The following SLC9A1 variants were observed in gnomAD, a reference collection of about 807,000 sequenced individuals.
SLC9A1 encodes the protein solute carrier family 9 member A1, also known as sodium/hydrogen exchanger 1.
In SLC9A1, 22 loss-of-function variants were observed where a neutral mutation model predicts 67.9. The ratio of observed to expected loss-of-function variants is 0.32; its 90% CI spans 0.23 to 0.46. The LOEUF (loss-of-function observed/expected upper bound fraction) is 0.46. Ranked by LOEUF, SLC9A1 falls within the 20% of genes least tolerant of loss-of-function variation. The pLI is 1.00. For synonymous variants in SLC9A1, 421 were observed against 471.8 expected, an observed-to-expected ratio of 0.89 and a Z score of 1.40; for missense variants, 686 against 1,094.8, an observed-to-expected ratio of 0.63 and a Z score of 5.27.
At chr1:27,112,292 A>C (rs779499389) in intron 2 of SLC9A1, among the ~76,000 whole-genome samples, 9 of 152,158 alleles carry the variant, frequency 5.9e-5, no homozygotes, top group Non-Finnish European at 1.2e-4. Flanking sequence ...CAGCAGCTGA[A>C]CACCACAGTC....
chr1:27,124,808 G>C (rs1296247397), intron 1 of SLC9A1, among the ~76,000 whole-genome samples: 1 of 152,118 alleles, frequency 6.6e-6, no homozygotes, highest in Non-Finnish European at 1.5e-5. Context: ...GGCCAGAAAA[G>C]GATCAGTGAG....
Position 27,101,043 on chromosome 1 carries a change from C to T in SLC9A1, c.2110+160G>A, listed in dbSNP as rs141836522. 4.9e-3 allele frequency among the ~76,000 whole-genome samples: 750 copies of T among 152,326 alleles called. 1 individual carries two copies. The highest frequency in any genetic ancestry group is 8.0e-3 in the Non-Finnish European group (545 of 68,014). On this transcript the variant is annotated intron_variant, in intron 11 of 11. Transcript: ENST00000263980. This position sits in a 1 kb window ranked among gnomAD's most constrained non-coding sequence, Gnocchi z 4.9. ...GGAACGTCTCTCTCCCTAGGGATGG[C>T]CCCTGACGTAGAAGCAGCTCATGGC...
chr1:27,103,406 G>A (rs2083161753), intron 5 of SLC9A1, 94 bp from the exon 6 acceptor site: 1 of 869,572 alleles, frequency 1.1e-6, no homozygotes, highest in African/African-American at 1.6e-5. Flanking sequence ...CCCAAGGCTA[G>A]GATGCCCTCT....
rs535826094 is a variant in SLC9A1, at chr1:27,137,986, T to C, written c.352+15997A>G. Among the ~76,000 whole-genome samples the C allele has an allele frequency of 2.0e-5, 3 of 152,358 alleles. No homozygotes were observed. The South Asian group carries it at 6.2e-4, about 32-fold the overall frequency. On this transcript the variant is annotated intron_variant, in intron 1 of 11. Coordinates refer to ENST00000263980, the MANE Select transcript of SLC9A1 (RefSeq NM_003047.5). This position sits in a 1 kb window ranked among gnomAD's most constrained non-coding sequence, Gnocchi z 4.6. ...GGGAAGCTTTACTCTGTTGCCCTCATAGACCCAGCTTGAGCTGCTGGCAGG... is the reference window on the plus strand; with the variant it reads ...GGGAAGCTTTACTCTGTTGCCCTCACAGACCCAGCTTGAGCTGCTGGCAGG...
intron 4 of SLC9A1, 145 bp downstream of exon 4, chr1:27,107,503 A>T: frequency 7.5e-6 from 5 of 667,518 alleles, no homozygotes; most frequent in Non-Finnish European, 1.3e-5. Flanking sequence ...CACAATACTT[A>T]TACACTGCAC....
chr1:27,152,796 C>A (rs7524763), intron 1 of SLC9A1, among the ~76,000 whole-genome samples: 46,598 of 152,016 alleles, frequency 0.31, 7,563 homozygotes, highest in Non-Finnish European at 0.36. Context: ...GTCCCAGAGC[C>A]TGCCTCACAC....
rs1012179295 is a variant in SLC9A1 at position 27,106,184 on chromosome 1, C to T, written c.1283-97G>A. The T allele has an allele frequency of 5.3e-5, 43 of 809,884 alleles. No individual in the cohort carries two copies. The highest frequency in any genetic ancestry group is 9.7e-5 in the Admixed American group (4 of 41,184). The allele number at this position is 809,884 out of a possible 1,614,324, so 50.2% of individuals were successfully genotyped here. On this transcript the variant is annotated intron_variant, in intron 4 of 11. Transcript: ENST00000263980. This position sits in a 1 kb window ranked among gnomAD's most constrained non-coding sequence, Gnocchi z 4.3. ...TGATTTCTCTGTGCATCCAGGAAGTCTCCATTACGAAGCCCACCCCGCTCA... is the reference window on the plus strand; with the variant it reads ...TGATTTCTCTGTGCATCCAGGAAGTTTCCATTACGAAGCCCACCCCGCTCA...
chr1:27,153,174 C>G (rs1009065296), intron 1 of SLC9A1, among the ~76,000 whole-genome samples: 1 of 152,044 alleles, frequency 6.6e-6, no homozygotes, highest in Admixed American at 6.6e-5. Context: ...CCCCATCTAC[C>G]TCATCTACTT....
intron 1 of SLC9A1, among the ~76,000 whole-genome samples, chr1:27,133,277 C>T (rs1184172514): frequency 6.6e-6 from 1 of 152,074 alleles, no homozygotes; most frequent in Non-Finnish European, 1.5e-5. Flanking sequence ...TCATGTTGGC[C>T]AGGCTGGTCT....
intron 8 of SLC9A1, 51 bp downstream of exon 8, chr1:27,102,334 T>C: frequency 6.5e-7 from 1 of 1,549,734 alleles, no homozygotes; most frequent in Middle Eastern, 1.8e-4. Flanking sequence ...CAACCGGGCT[T>C]GAGGGGCCGG....
chr1:27,100,362 G>C lies in SLC9A1; in HGVS notation c.2393C>G (p.Pro798Arg), dbSNP rs1239594053. The change falls in exon 12 of 12, where the codon CCA becomes CGA. Residue 798 changes from proline (P) to arginine (R), a missense_variant. Transcript: ENST00000263980. This position sits in a 1 kb window ranked among gnomAD's most constrained non-coding sequence, Gnocchi z 5.6. ...SQRIQRCLSD[P>R]GPHPEPGEGE... is the part of the protein sequence containing the mutation. ...CTCCCCAGGCTCAGGGTGTGGGCCT[G>C]GGTCACTGAGGCAGCGCTGTATCCT... 11 of 1,567,712 alleles carry C rather than the reference G, an allele frequency of 7.0e-6. No homozygotes were observed. The highest frequency in any genetic ancestry group is 9.5e-6 in the Non-Finnish European group (11 of 1,155,358).
chr1:27,105,710 C>G (rs758649593), intron 5 of SLC9A1, 175 bp downstream of exon 5: 3 of 720,108 alleles, frequency 4.2e-6, no homozygotes, highest in South Asian at 1.5e-5. Context: ...TCTCACTTTA[C>G]GATTGAAGAA....
At chr1:27,145,092 A>G (rs946098280) in intron 1 of SLC9A1, among the ~76,000 whole-genome samples, 4 of 151,190 alleles carry the variant, frequency 2.6e-5, no homozygotes, top group Admixed American at 6.6e-5. Flanking sequence ...AAAAAAAAAG[A>G]AAGTGAACAA....
intron 1 of SLC9A1, among the ~76,000 whole-genome samples, chr1:27,140,395 C>T (rs2083446465): frequency 6.6e-6 from 1 of 152,168 alleles, no homozygotes; most frequent in Non-Finnish European, 1.5e-5. Context: ...GTCTCATTTG[C>T]ACCCCTAACC....
chr1:27,135,567 A>G (rs2083415480), intron 1 of SLC9A1, among the ~76,000 whole-genome samples: 1 of 144,660 alleles, frequency 6.9e-6, no homozygotes, highest in South Asian at 2.2e-4. Flanking sequence ...AAATGTTCTG[A>G]GCACCTGCTC....
At chr1:27,111,032 T>C (rs2083224137) in intron 2 of SLC9A1, among the ~76,000 whole-genome samples, 1 of 152,104 alleles carries the variant, frequency 6.6e-6, no homozygotes, top group African/African-American at 2.4e-5. Context: ...CTCTGGGAAA[T>C]GGGGCACTCA....
At position 27,127,813 on chromosome 1, in the gene SLC9A1, T is replaced by A. The variant is rs186615060; in HGVS notation, c.353-13527A>T. Among the ~76,000 whole-genome samples, 4 of 152,088 alleles carry A rather than the reference T, an allele frequency of 2.6e-5. No homozygotes were observed. In the East Asian group the frequency reaches 7.7e-4, roughly 29 times the overall value. On this transcript the variant is annotated intron_variant, in intron 1 of 11. Coordinates refer to ENST00000263980, the MANE Select transcript of SLC9A1 (RefSeq NM_003047.5). ...GGGTGAGCACCCCCTCCATCCTACC[T>A]CCAAATGCCTCAAAAGACCAGAAAA...
At chr1:27,135,235 T>C (rs1165259617) in intron 1 of SLC9A1, among the ~76,000 whole-genome samples, 4 of 151,820 alleles carry the variant, frequency 2.6e-5, no homozygotes, top group Admixed American at 1.3e-4. Context: ...TTTATTTTTG[T>C]AGAGACAGGG....
intron 1 of SLC9A1, among the ~76,000 whole-genome samples, chr1:27,129,123 G>A (rs2083367883): frequency 6.6e-6 from 1 of 152,222 alleles, no homozygotes; most frequent in Non-Finnish European, 1.5e-5. Flanking sequence ...TGAGGGGGAA[G>A]CTGTCCAACT....
Sources: gnomAD v4.1 joint callset for allele counts (sites outside exome capture counted in the v4.1 genomes callset) on GRCh38, gnomAD v4.1.1 for gene constraint, Gnocchi (gnomAD v3.1) non-coding constraint, MANE v1.5 for transcripts, NCBI Gene and HGNC (gene_info 2026-07-23, HGNC 2026-07-21) for gene names.